The following SPEN variants were observed in gnomAD, a reference collection of about 807,000 sequenced individuals.
SPEN encodes msx2-interacting protein.
In SPEN, 18 loss-of-function variants were observed where a neutral mutation model predicts 269.9. The observed-to-expected ratio is 0.07, with a 90% CI of 0.05 to 0.10. The LOEUF (loss-of-function observed/expected upper bound fraction) is 0.10. SPEN is among the 10% of genes least tolerant of loss of function. The pLI is 1.00. For missense variants in SPEN, 3,822 were observed against 4,631.2 expected (o/e 0.83, Z 5.07); for synonymous variants, 1,726 against 1,765.7 (o/e 0.98, Z 0.56).
At position 15,909,473 on chromosome 1, in the gene SPEN, G is replaced by A. The variant is rs1428912872; in HGVS notation, c.1034G>A (p.Arg345His). ...ATCAAGGTCCAGAATCTTCCAGTAC[G>A]CTCTACAGGTAAAATTTTGTGTGAA... is the stretch of plus-strand genomic sequence containing the variant. ...FGIKVQNLPV[R>H]STDTSLKDGL... is the part of the protein sequence containing the mutation. Residue 345 changes from arginine (R) to histidine (H), a missense_variant, in exon 4 of 15, where the codon CGC becomes CAC. By Grantham distance (29) the Arg-to-His change is conservative. Transcript: ENST00000375759. The A allele has an allele frequency of 1.2e-6, 2 of 1,613,826 alleles. No homozygotes were observed.
At chr1:15,852,462 A>T (rs997975318) in intron 1 of SPEN, among the ~76,000 whole-genome samples, 2 of 152,214 alleles carry the variant, frequency 1.3e-5, no homozygotes, top group Admixed American at 1.3e-4. Context: ...TAATACAGAA[A>T]AATTATACAG....
In SPEN at chr1:15,876,795, T is replaced by C. The variant is rs2148712332; in HGVS notation, c.881+117T>C. 3.7e-6 allele frequency: 3 copies of C among 812,216 alleles called. No individual in the cohort carries two copies. In the East Asian group the frequency reaches 7.4e-5, roughly 20 times the overall value. The allele number at this position is 812,216 out of a possible 1,614,324, so 50.3% of individuals were successfully genotyped here. A position where few individuals can be genotyped will look rare whatever the true frequency, so the allele number is the denominator to read the frequency against. On this transcript the variant is annotated intron_variant, in intron 3 of 14. Coordinates refer to ENST00000375759, the MANE Select transcript of SPEN (RefSeq NM_015001.3). ...TTAAAGTAATCTTGGATCATATATG[T>C]ATGTAATCAGTAAAGAAACTGGCAT...
chr1:15,870,740 G>A (rs2070564762), intron 1 of SPEN, among the ~76,000 whole-genome samples: 1 of 30,948 alleles, frequency 3.2e-5, no homozygotes, highest in Non-Finnish European at 6.0e-5. Flanking sequence ...GTTGAATGTA[G>A]TCACTTCTAG....
intron 1 of SPEN, among the ~76,000 whole-genome samples, chr1:15,866,646 C>A (rs930940058): frequency 7.9e-5 from 12 of 152,220 alleles, no homozygotes; most frequent in African/African-American, 2.9e-4. Context: ...AGCCACCGCG[C>A]CCGGCTGGAA....
At position 15,937,883 on chromosome 1, in the gene SPEN, C is replaced by T. The variant is rs1359267179; in HGVS notation, c.10581C>T (p.Val3527=). The T allele has an allele frequency of 3.1e-6, 5 of 1,614,238 alleles. No homozygotes were observed. The highest frequency in any genetic ancestry group is 4.2e-6 in the Non-Finnish European group (5 of 1,180,036). The change falls in exon 13 of 15, where the codon GTC becomes GTT. Residue 3527 remains valine (V), a synonymous_variant. Coordinates refer to ENST00000375759, the MANE Select transcript of SPEN (RefSeq NM_015001.3). The surrounding 1 kb of genome is among the most constrained non-coding windows in gnomAD (Gnocchi z 5.7). ...NDTAAVQLHF[V]SGNNVLAHRS... Reference sequence around the variant, plus strand: ...CAGCTGCTGTGCAGCTCCACTTCGTCTCTGGCAACAACGTCCTGGCCCATC... The same window carrying T: ...CAGCTGCTGTGCAGCTCCACTTCGTTTCTGGCAACAACGTCCTGGCCCATC...
At chr1:15,905,924 A>T (rs1056924958) in intron 3 of SPEN, among the ~76,000 whole-genome samples, 2 of 152,126 alleles carry the variant, frequency 1.3e-5, no homozygotes, top group Non-Finnish European at 2.9e-5. Context: ...GTGATTGTTT[A>T]CTTCTGTAAC....
chr1:15,874,287 A>C, intron 2 of SPEN: 1 of 1,366,516 alleles, frequency 7.3e-7, no homozygotes, highest in African/African-American at 1.5e-5. Context: ...TTGCCCATTA[A>C]GAAGGTGGAT....
At chr1:15,880,005 T>A (rs1027999819) in intron 3 of SPEN, among the ~76,000 whole-genome samples, 1 of 152,190 alleles carries the variant, frequency 6.6e-6, no homozygotes, top group Non-Finnish European at 1.5e-5. Flanking sequence ...TATAGTGTTT[T>A]AAATTTAAAT....
intron 1 of SPEN, among the ~76,000 whole-genome samples, chr1:15,863,840 T>G (rs1473780896): frequency 6.6e-6 from 1 of 152,104 alleles, no homozygotes; most frequent in Non-Finnish European, 1.5e-5. Context: ...ACCCTTGTCT[T>G]AGAACAAAAC....
Position 15,930,169 on chromosome 1 carries a change from A to G in SPEN, c.3929A>G (p.Asn1310Ser), listed in dbSNP as rs2148739131. The G allele has an allele frequency of 6.2e-7, 1 of 1,614,202 alleles. No homozygotes were observed. The highest frequency in any genetic ancestry group is 1.3e-5 in the African/African-American group (1 of 75,044). The change falls in exon 11 of 15, where the codon AAT becomes AGT. Residue 1310 changes from asparagine (N) to serine (S), a missense_variant. Around this residue, in one of 16 missense-constraint regions of SPEN, gnomAD observed 267 missense variants for 315.5 expected, o/e 0.85. Transcript: ENST00000375759. This position sits in a 1 kb window ranked among gnomAD's most constrained non-coding sequence, Gnocchi z 5.3. Reference sequence around the variant, plus strand: ...GTCAGGGAAGAGTCTTTAAAATTTAATCCTTATGATTCTAGCAGGAGAGAA... The same window carrying G: ...GTCAGGGAAGAGTCTTTAAAATTTAGTCCTTATGATTCTAGCAGGAGAGAA... The part of the protein sequence containing the change: ...ITVREESLKF[N>S]PYDSSRREQM...
chr1:15,894,673 T>C (rs2070823359), intron 3 of SPEN, among the ~76,000 whole-genome samples: 1 of 150,576 alleles, frequency 6.6e-6, no homozygotes. Context: ...CCAGAATAGC[T>C]GGGATTACAG....
In SPEN at chr1:15,937,544, G is replaced by C; in HGVS notation, c.10408G>C (p.Gly3470Arg). ...PTTSGPSTPP[G>R]LVLPHTEFQP... Reference sequence around the variant, plus strand: ...AACCTCTGGCCCCAGCACCCCACCAGGACTGGTTCTGCCACACACTGAATT... The same window carrying C: ...AACCTCTGGCCCCAGCACCCCACCACGACTGGTTCTGCCACACACTGAATT... The change falls in exon 12 of 15, where the codon GGA (glycine) becomes CGA (arginine). Residue 3470 changes from glycine to arginine, a missense_variant. This residue lies in a region of SPEN where 359 missense variants were observed against 377.3 expected (regional missense o/e 0.95). Transcript: ENST00000375759. The surrounding 1 kb of genome is among the most constrained non-coding windows in gnomAD (Gnocchi z 5.7). 6.2e-7 allele frequency: 1 copy of C among 1,614,068 alleles called. No homozygotes were observed. Among genetic ancestry groups the C allele is most frequent in the Non-Finnish European group, 8.5e-7 (1 of 1,180,016 alleles).
At chr1:15,896,023 A>G (rs1053992717) in intron 3 of SPEN, among the ~76,000 whole-genome samples, 1 of 151,776 alleles carries the variant, frequency 6.6e-6, no homozygotes, top group Non-Finnish European at 1.5e-5. Context: ...CACATAAAGC[A>G]TATTTAAACA....
chr1:15,855,749 G>A (rs989347660), intron 1 of SPEN, among the ~76,000 whole-genome samples: 23 of 151,724 alleles, frequency 1.5e-4, no homozygotes, highest in African/African-American at 5.6e-4. Context: ...TATAATCCCA[G>A]CTACTCGGGA....
chr1:15,930,869 G>A lies in SPEN; in HGVS notation c.4629G>A (p.Leu1543=). The A allele has an allele frequency of 1.2e-6, 2 of 1,614,126 alleles. No homozygotes were observed. The highest frequency in any genetic ancestry group is 2.2e-5 in the South Asian group (2 of 91,080). Residue 1543 remains leucine (L), a synonymous_variant, in exon 11 of 15, where the codon TTG becomes TTA. Coordinates refer to ENST00000375759, the MANE Select transcript of SPEN (RefSeq NM_015001.3). This position sits in a 1 kb window ranked among gnomAD's most constrained non-coding sequence, Gnocchi z 5.3. ...TCTTTGAACAAGATTCCAAGCGATT[G>A]CAGCATCTAGAGAGAAAAGAGGAAG... ...SSIFEQDSKR[L]QHLERKEEDS... is the part of the protein sequence containing the mutation.
At chr1:15,906,753 T>G (rs1157214772) in intron 3 of SPEN, among the ~76,000 whole-genome samples, 3 of 149,306 alleles carry the variant, frequency 2.0e-5, no homozygotes, top group Non-Finnish European at 4.4e-5. Context: ...CGTGAGCCAC[T>G]GCACTCGGCA....
intron 3 of SPEN, among the ~76,000 whole-genome samples, chr1:15,897,869 G>T (rs560901078): frequency 1.3e-5 from 2 of 152,142 alleles, no homozygotes; most frequent in Non-Finnish European, 2.9e-5. Context: ...AGTTTAGATC[G>T]CTTTTCAATA....
intron 3 of SPEN, among the ~76,000 whole-genome samples, chr1:15,882,211 A>G (rs904562039): frequency 3.3e-5 from 5 of 152,144 alleles, no homozygotes; most frequent in African/African-American, 1.2e-4. Flanking sequence ...TTTCTCTGTC[A>G]TGGCCGTTTA....
At position 15,931,741 on chromosome 1, in the gene SPEN, G is replaced by T. The variant is rs779967431; in HGVS notation, c.5501G>T (p.Ser1834Ile). The T allele has an allele frequency of 6.2e-7, 1 of 1,614,176 alleles. No individual in the cohort carries two copies. The change falls in exon 11 of 15, where the codon AGT becomes ATT. Residue 1834 changes from serine to isoleucine, a missense_variant. This residue lies in a region of SPEN where 533 missense variants were observed against 618.8 expected (regional missense o/e 0.86). Coordinates refer to ENST00000375759, the MANE Select transcript of SPEN (RefSeq NM_015001.3). The surrounding 1 kb of genome is among the most constrained non-coding windows in gnomAD (Gnocchi z 4.8). ...ACCCCTGTTCAGGCAGCTGCAGTGA[G>T]TATCGTGGAGAAGCCCGTCACAAGG... is the stretch of plus-strand genomic sequence containing the variant. Reference protein sequence around the residue: ...SKTPVQAAAVSIVEKPVTRKS... With the variant: ...SKTPVQAAAVIIVEKPVTRKS...
Sources: gnomAD v4.1 joint callset for allele counts (sites outside exome capture counted in the v4.1 genomes callset) on GRCh38, gnomAD v4.1.1 for gene constraint, gnomAD v4.1.1 regional missense constraint, Gnocchi (gnomAD v3.1) non-coding constraint, MANE v1.5 for transcripts, NCBI Gene and HGNC (gene_info 2026-07-23, HGNC 2026-07-21) for gene names.